Variants in NBPF19 observed in about 807,000 individuals in gnomAD.
NBPF19 encodes the protein NBPF family member NBPF19.
In NBPF19, 30 loss-of-function variants were observed where a neutral mutation model predicts 45.9. The ratio of observed to expected loss-of-function variants is 0.65; its 90% CI spans 0.49 to 0.89. The LOEUF (loss-of-function observed/expected upper bound fraction) is 0.89, where lower values mean the gene tolerates loss of function less well. NBPF19 is among the 40% of genes least tolerant of loss of function. The pLI is 0.00. For synonymous variants in NBPF19, 183 were observed against 181.2 expected, an observed-to-expected ratio of 1.01 and a Z score of -0.08; for missense variants, 495 against 471.8, an observed-to-expected ratio of 1.05 and a Z score of -0.46.
intron 13 of NBPF19, among the ~76,000 whole-genome samples, chr1:149,490,921 C>CATGT (rs1310868264): frequency 7.9e-6 from 1 of 125,984 alleles, no homozygotes; most frequent in African/African-American, 3.2e-5. Flanking sequence ...TGTGTGTGTG[C>CATGT]GTGTGTGTGT....
chr1:149,477,028 G>T (rs2084878626), intron 2 of NBPF19, among the ~76,000 whole-genome samples: 1 of 150,632 alleles, frequency 6.6e-6, no homozygotes, highest in Non-Finnish European at 1.5e-5. Context: ...TGGTGCACAG[G>T]CTCTTGTTCC....
chr1:149,488,156 A>C lies in NBPF19; in HGVS notation c.1184A>C (p.Gln395Pro). The C allele has an allele frequency of 1.5e-6, 1 of 679,540 alleles. No individual in the cohort carries two copies. The highest frequency in any genetic ancestry group is 2.6e-6 in the Non-Finnish European group (1 of 379,282). 42.1% of individuals were successfully genotyped at this position (679,540 alleles called of 1,614,324 possible). The change falls in exon 10 of 94, where the codon CAG becomes CCG. Residue 395 changes from glutamine (Q) to proline (P), a missense_variant. Around this residue, in one of 8 missense-constraint regions of NBPF19, gnomAD observed 146 missense variants for 67.3 expected, o/e 2.17. Coordinates refer to ENST00000651566, the MANE Select transcript of NBPF19 (RefSeq NM_001351365.2). ...AGTGCCTTTTACGTATTGGAGCAAC[A>C]GCGTGTTGGCTTGGCTATTGACATG... ...YRSAFYVLEQ[Q>P]RVGLAIDMDE...
chr1:149,554,375 A>C (rs1242783345), intron 93 of NBPF19, 120 bp from the exon 94 acceptor site: 5 of 1,580,650 alleles, frequency 3.2e-6, no homozygotes, highest in Non-Finnish European at 4.3e-6. Context: ...TTTTTACCTC[A>C]TTAATGGATC....
rs1365940961 is a variant in NBPF19, at chr1:149,554,588, A to T, written c.11382A>T (p.Leu3794=). Residue 3794 remains leucine (L), a synonymous_variant, in exon 94 of 94, where the codon CTA becomes CTT. Transcript: ENST00000651566. ...CGACTCCGTCAATGTACTTTGAACT[A>T]CCTGACTCATTCCAGCACTACAGAA... ...CYSTPSMYFE[L]PDSFQHYRSV... 66 of 1,608,226 alleles carry T rather than the reference A, an allele frequency of 4.1e-5. No homozygotes were observed. In the East Asian group the frequency reaches 1.3e-3, roughly 32 times the overall value.
chr1:149,486,997 A>C (rs1412073179), intron 8 of NBPF19, among the ~76,000 whole-genome samples: 1 of 150,716 alleles, frequency 6.6e-6, no homozygotes, highest in Non-Finnish European at 1.5e-5. Context: ...ATTTGATGAG[A>C]GAAAGCTTAA....
chr1:149,554,657 T>A lies in NBPF19; in HGVS notation c.11451T>A (p.Leu3817=), dbSNP rs2087200935. ...AGGAAGAGCATATCAGCTTCGCCCT[T>A]TACTTGGACAATAGGTTTTTTACTT... ...SFEEEHISFA[L]YLDNRFFTLT... is the part of the protein sequence containing the mutation. Residue 3817 remains leucine, a synonymous_variant, in exon 94 of 94, where the codon CTT becomes CTA. Transcript: ENST00000651566. 2.5e-6 allele frequency: 4 copies of A among 1,608,260 alleles called. No individual in the cohort carries two copies. The African/African-American group carries it at 4.0e-5, about 16-fold the overall frequency.
intron 3 of NBPF19, 66 bp downstream of exon 3, chr1:149,478,113 G>A (rs1362655108): frequency 2.3e-5 from 26 of 1,137,630 alleles, no homozygotes; most frequent in East Asian, 7.1e-5. Flanking sequence ...ACAGCAGCTC[G>A]GCGGGGAGAA....
intron 8 of NBPF19, among the ~76,000 whole-genome samples, chr1:149,486,733 G>T (rs2085533229): frequency 1.3e-5 from 2 of 151,364 alleles, no homozygotes; most frequent in South Asian, 2.1e-4. Flanking sequence ...CTACCTCTCA[G>T]TGAAAGATGT....
rs1199452636 is a variant in NBPF19, at chr1:149,490,898, CTGTGTG to C, written c.1491-224_1491-219del. On this transcript the variant is annotated intron_variant, in intron 13 of 93. Transcript: ENST00000651566. ...CTGAGCTCGTTCTCTCTCTCTCTCT[CTGTGTG>C]TGTGTGTGTGTGTGTGCGTGTGTGT... 6.3e-4 allele frequency among the ~76,000 whole-genome samples: 78 copies of C among 124,748 alleles called. 5 individuals are homozygous for C. Among genetic ancestry groups the C allele is most frequent in the Middle Eastern group, 3.9e-3 (1 of 254 alleles). 81.8% of individuals were successfully genotyped at this position (124,748 alleles called of 152,430 possible). A position where few individuals can be genotyped will look rare whatever the true frequency, so the allele number is the denominator to read the frequency against.
At chr1:149,491,424 G>T in intron 14 of NBPF19, 113 bp downstream of exon 14, 2 of 131,088 alleles carry the variant, frequency 1.5e-5, no homozygotes, top group East Asian at 1.9e-4. Context: ...CCGCAGTGAG[G>T]ACCTATAGGC....
rs1489090147 is a variant in NBPF19, at chr1:149,494,155, G to C, written c.1998-163G>C. On this transcript the variant is annotated intron_variant, in intron 17 of 93. Coordinates refer to ENST00000651566, the MANE Select transcript of NBPF19 (RefSeq NM_001351365.2). ...CTTTCTCTTTCATTCTTCTCTACCT[G>C]GCCCTGGTCTATCCCAACATAAAGG... 2.5e-5 allele frequency among the ~76,000 whole-genome samples: 3 copies of C among 120,254 alleles called. 1 individual carries two copies. The highest frequency in any genetic ancestry group is 5.7e-4 in the East Asian group (2 of 3,532). 78.9% of individuals were successfully genotyped at this position (120,254 alleles called of 152,430 possible).
chr1:149,494,096 C>G (rs1345314566), intron 17 of NBPF19, among the ~76,000 whole-genome samples: 4 of 135,594 alleles, frequency 2.9e-5, no homozygotes, highest in Admixed American at 2.9e-4. Context: ...ACTTTCTCCT[C>G]TCTCTCTCTC....
At chr1:149,487,955 G>A (rs1332446326) in intron 9 of NBPF19, 58 bp from the exon 10 acceptor site, 1 of 700,086 alleles carries the variant, frequency 1.4e-6, no homozygotes, top group Middle Eastern at 3.8e-4. Flanking sequence ...AATCTAGCTG[G>A]GGCTGTGTGG....
At chr1:149,485,052 C>T (rs2085436080) in intron 7 of NBPF19, among the ~76,000 whole-genome samples, 1 of 142,738 alleles carries the variant, frequency 7.0e-6, no homozygotes, top group African/African-American at 2.5e-5. Flanking sequence ...GAATTGGCTA[C>T]TGAAGCTTGT....
Position 149,528,527 on chromosome 1 carries a change from C to A in NBPF19, c.7326C>A (p.Asp2442Glu). 1 of 216,484 alleles carries A rather than the reference C, an allele frequency of 4.6e-6. No homozygotes were observed. The highest frequency in any genetic ancestry group is 8.5e-5 in the Admixed American group (1 of 11,746). The allele number at this position is 216,484 out of a possible 1,614,324, so 13.4% of individuals were successfully genotyped here. ...AAAAGGACCAAGAAGAGGAAGAAGA[C>A]CAAGGCCCACCATGCCCCAGGTAAC... ...RIKKDQEEEE[D>E]QGPPCPRLSR... Residue 2442 changes from aspartate (D) to glutamate (E), a missense_variant, in exon 61 of 94, where the codon GAC becomes GAA. Asp to Glu is a conservative substitution (Grantham distance 45). Around this residue, in one of 8 missense-constraint regions of NBPF19, gnomAD observed 248 missense variants for 95.4 expected, o/e 2.60. Coordinates refer to ENST00000651566, the MANE Select transcript of NBPF19 (RefSeq NM_001351365.2).
rs2085617688 is a variant in NBPF19 at position 149,487,509 on chromosome 1, A to T, written c.1040+126A>T. The T allele has an allele frequency of 9.0e-6, 9 of 997,144 alleles. No individual in the cohort carries two copies. The South Asian group carries it at 1.0e-4, about 11-fold the overall frequency. The allele number at this position is 997,144 out of a possible 1,614,324, so 61.8% of individuals were successfully genotyped here. ...CAGACAAGTCTGAATTATGCCTAAT[A>T]CATTGCTTTTTTGTTCTCATTAGAG... On this transcript the variant is annotated intron_variant, in intron 9 of 93. Transcript: ENST00000651566.
At chr1:149,554,444 G>T (rs2087183269) in intron 93 of NBPF19, 51 bp from the exon 94 acceptor site, 2 of 1,607,866 alleles carry the variant, frequency 1.2e-6, no homozygotes, top group East Asian at 4.5e-5. Context: ...GTGGGGCTCT[G>T]TGGTGTCTGA....
rs1241618800 is a variant in NBPF19, at chr1:149,554,638, A to G, written c.11432A>G (p.Glu3811Gly). ...AGTGTGTTTTACTCATTTGAGGAAG[A>G]GCATATCAGCTTCGCCCTTTACTTG... is the stretch of plus-strand genomic sequence containing the variant. ...YRSVFYSFEEEHISFALYLDN... is the reference protein window; with the variant it reads ...YRSVFYSFEEGHISFALYLDN... The change falls in exon 94 of 94, where the codon GAG (glutamate) becomes GGG (glycine). Residue 3811 changes from glutamate to glycine, a missense_variant. Physicochemically the swap from Glu to Gly is moderately conservative, Grantham distance 98. Coordinates refer to ENST00000651566, the MANE Select transcript of NBPF19 (RefSeq NM_001351365.2). The G allele has an allele frequency of 1.2e-6, 2 of 1,608,356 alleles. No individual in the cohort carries two copies. The highest frequency in any genetic ancestry group is 1.7e-5 in the Admixed American group (1 of 59,900).
rs1376595737 is a variant in NBPF19, at chr1:149,487,479, C to T, written c.1040+96C>T. On this transcript the variant is annotated intron_variant, in intron 9 of 93. Coordinates refer to ENST00000651566, the MANE Select transcript of NBPF19 (RefSeq NM_001351365.2). Reference sequence around the variant, plus strand: ...TACATGCTGAAAATAATGATTTTGTCTTGTCAGACAAGTCTGAATTATGCC... The same window carrying T: ...TACATGCTGAAAATAATGATTTTGTTTTGTCAGACAAGTCTGAATTATGCC... The T allele has an allele frequency of 2.6e-5, 26 of 985,740 alleles. 1 individual carries two copies. Among genetic ancestry groups the T allele is most frequent in the South Asian group, 1.9e-4 (15 of 78,712 alleles). 61.1% of individuals were successfully genotyped at this position (985,740 alleles called of 1,614,324 possible).
Sources: gnomAD v4.1 joint callset for allele counts (sites outside exome capture counted in the v4.1 genomes callset) on GRCh38, gnomAD v4.1.1 for gene constraint, gnomAD v4.1.1 regional missense constraint, MANE v1.5 for transcripts, NCBI Gene and HGNC (gene_info 2026-07-23, HGNC 2026-07-21) for gene names.